The following GANC variants were observed in gnomAD, a reference collection of about 807,000 sequenced individuals.
The protein encoded by GANC is glucosidase alpha, neutral C.
GANC carries 117 observed loss-of-function variants against 124.2 expected under a neutral mutation model. That is an observed-to-expected ratio of 0.94 (90% CI 0.81 to 1.10). The LOEUF is 1.10. Among genes scored for constraint, GANC ranks in the 50% least tolerant of loss-of-function variants. The probability of loss-of-function intolerance (pLI) is 0.00; values close to 1 mark genes in which losing one functional copy is unlikely to be tolerated. For missense variants in GANC, 1,140 were observed against 1,095.0 expected, an observed-to-expected ratio of 1.04 and a Z score of -0.58; for synonymous variants, 377 against 376.8, an observed-to-expected ratio of 1.00 and a Z score of -0.01.
chr15:42,332,830 A>G (rs1014078141), intron 15 of GANC, among the ~76,000 whole-genome samples: 6 of 146,522 alleles, frequency 4.1e-5, no homozygotes, highest in African/African-American at 1.5e-4. Flanking sequence ...CCTGATCAAC[A>G]TGGTGAAACC....
intron 18 of GANC, among the ~76,000 whole-genome samples, chr15:42,341,295 C>A (rs16973103): frequency 0.011 from 1,634 of 151,948 alleles, 26 homozygotes; most frequent in African/African-American, 0.037. Context: ...TTGTGGATGT[C>A]GTTTAGGATT....
At chr15:42,304,135 C>A (rs181764962) in intron 6 of GANC, among the ~76,000 whole-genome samples, 1 of 152,200 alleles carries the variant, frequency 6.6e-6, no homozygotes, top group East Asian at 1.9e-4. Context: ...TGGAAAATAA[C>A]GGAAATCATA....
At chr15:42,306,065 C>T (rs1003754873) in intron 6 of GANC, among the ~76,000 whole-genome samples, 4 of 148,306 alleles carry the variant, frequency 2.7e-5, no homozygotes, top group South Asian at 2.1e-4. Context: ...CTCGCTGTGT[C>T]GCCCAGGCTG....
chr15:42,332,323 A>G (rs1308125569), intron 15 of GANC, among the ~76,000 whole-genome samples: 1 of 152,154 alleles, frequency 6.6e-6, no homozygotes, highest in African/African-American at 2.4e-5. Context: ...TATCATTTTT[A>G]ATCACAAAAA....
chr15:42,274,468 G>A lies in GANC; in HGVS notation c.-14G>A, dbSNP rs1277403261. Reference sequence around the variant, plus strand: ...TCCTGAGAGCTGGGAGCTGGTCGGAGTGACAGAGAAGCCATGGAAGCAGCA... The same window carrying A: ...TCCTGAGAGCTGGGAGCTGGTCGGAATGACAGAGAAGCCATGGAAGCAGCA... On this transcript the variant is annotated 5_prime_UTR_variant, in exon 1 of 24. The change creates a new upstream start codon in the 5' untranslated region. Transcript: ENST00000318010. 6.2e-7 allele frequency: 1 copy of A among 1,610,256 alleles called. No individual in the cohort carries two copies. The highest frequency in any genetic ancestry group is 8.5e-7 in the Non-Finnish European group (1 of 1,178,448).
chr15:42,345,650 A>G, intron 19 of GANC, 108 bp from the exon 20 acceptor site: 1 of 638,794 alleles, frequency 1.6e-6, no homozygotes, highest in South Asian at 2.2e-5. Flanking sequence ...TATTTATTTT[A>G]GCTTTCTGGT....
chr15:42,280,108 T>C (rs946948355), intron 3 of GANC, among the ~76,000 whole-genome samples: 7 of 152,194 alleles, frequency 4.6e-5, no homozygotes, highest in African/African-American at 1.7e-4. Flanking sequence ...CCCCATCCCC[T>C]GTCCTCAACT....
At chr15:42,276,249 G>A in intron 1 of GANC, 99 bp from the exon 2 acceptor site, 1 of 652,740 alleles carries the variant, frequency 1.5e-6, no homozygotes, top group Non-Finnish European at 2.8e-6. Context: ...AGACTCCAAA[G>A]GTTTATTTTG....
At chr15:42,314,707 C>T (rs3736095) in intron 10 of GANC, 138,689 of 152,408 alleles carry the variant, frequency 0.91, 64,455 homozygotes, top group Non-Finnish European at 1. Flanking sequence ...CATGATATAG[C>T]ATTTTAAAAA....
intron 3 of GANC, among the ~76,000 whole-genome samples, chr15:42,285,814 A>G (rs1268684425): frequency 2.0e-5 from 3 of 152,172 alleles, no homozygotes; most frequent in Non-Finnish European, 4.4e-5. Flanking sequence ...AAATTTAAAG[A>G]AAGAATGACT....
In GANC at chr15:42,332,176, A is replaced by G. The variant is rs543472314; in HGVS notation, c.1741+1504A>G. Among the ~76,000 whole-genome samples the G allele has an allele frequency of 2.7e-3, 412 of 152,308 alleles. 1 individual carries two copies. Among genetic ancestry groups the G allele is most frequent in the African/African-American group, 9.5e-3 (397 of 41,588 alleles). The stretch of plus-strand genomic sequence containing the variant: ...ATTATCTCAATTTTATAAAAGATTA[A>G]TGGAAGATAGTAATTTAAATAAATA... On this transcript the variant is annotated intron_variant, in intron 15 of 23. Transcript: ENST00000318010.
rs939559927 is a variant in GANC, at chr15:42,273,514, T to C, written c.-968T>C. ...CCGGGTCCTGGAAACGTCGCGGAGCTTGTTTGCTGTGCGGCGTAGCGGCCC... is the reference window on the plus strand; with the variant it reads ...CCGGGTCCTGGAAACGTCGCGGAGCCTGTTTGCTGTGCGGCGTAGCGGCCC... On this transcript the variant is annotated 5_prime_UTR_variant, in exon 1 of 24. Transcript: ENST00000318010. 6.7e-6 allele frequency: 10 copies of C among 1,497,828 alleles called. No homozygotes were observed. The African/African-American group carries it at 1.2e-4, about 19-fold the overall frequency. The allele number at this position is 1,497,828 out of a possible 1,614,324, so 92.8% of individuals were successfully genotyped here. A position where few individuals can be genotyped will look rare whatever the true frequency, so the allele number is the denominator to read the frequency against.
chr15:42,309,504 G>A (rs2141044118), intron 8 of GANC, among the ~76,000 whole-genome samples: 1 of 151,864 alleles, frequency 6.6e-6, no homozygotes, highest in East Asian at 2.0e-4. Flanking sequence ...ATTTTTAATA[G>A]CGTCAGGCTT....
intron 10 of GANC, 150 bp downstream of exon 10, chr15:42,310,996 C>A: frequency 1.2e-6 from 1 of 829,144 alleles, no homozygotes; most frequent in Non-Finnish European, 1.9e-6. Context: ...TTCCCATCCT[C>A]ATCCCATTCA....
chr15:42,273,697 A>G lies in GANC; in HGVS notation c.-785A>G, dbSNP rs1160477603. The G allele has an allele frequency of 5.1e-6, 2 of 391,506 alleles. No homozygotes were observed. The highest frequency in any genetic ancestry group is 2.0e-5 in the African/African-American group (1 of 49,926). The allele number at this position is 391,506 out of a possible 1,614,324, so 24.3% of individuals were successfully genotyped here. ...GCCGTTAAAGGTTTTAGGACCAGGCAGGCACCCCGTGCAGGATTTGGCTCT... is the reference window on the plus strand; with the variant it reads ...GCCGTTAAAGGTTTTAGGACCAGGCGGGCACCCCGTGCAGGATTTGGCTCT... On this transcript the variant is annotated 5_prime_UTR_variant, in exon 1 of 24. Coordinates refer to ENST00000318010, the MANE Select transcript of GANC (RefSeq NM_198141.3).
Position 42,339,951 on chromosome 15 carries a change from A to G in GANC, c.2087+39A>G, listed in dbSNP as rs749971012. ...ATCCATTCAGGGACCCCAGCAACCA[A>G]TCTGTAATAGAAGATCTCAGTGATT... On this transcript the variant is annotated intron_variant, in intron 17 of 23. Coordinates refer to ENST00000318010, the MANE Select transcript of GANC (RefSeq NM_198141.3). The G allele has an allele frequency of 9.4e-6, 15 of 1,593,436 alleles. No individual in the cohort carries two copies. In the East Asian group the frequency reaches 2.7e-4, roughly 29 times the overall value.
At chr15:42,276,552 A>G in intron 2 of GANC, 142 bp downstream of exon 2, 1 of 521,070 alleles carries the variant, frequency 1.9e-6, no homozygotes, top group Non-Finnish European at 3.5e-6. Flanking sequence ...CAGGAGACTC[A>G]CTTTTAACTT....
At chr15:42,334,814 AAG>A (rs1375442406) in intron 15 of GANC, among the ~76,000 whole-genome samples, 2 of 152,136 alleles carry the variant, frequency 1.3e-5, no homozygotes, top group African/African-American at 4.8e-5. Context: ...TAAAGAAGAA[AAG>A]AGAGAAAATC....
chr15:42,327,561 TA>T, intron 13 of GANC, 119 bp downstream of exon 13: 1 of 849,334 alleles, frequency 1.2e-6, no homozygotes, highest in Admixed American at 2.3e-5. Flanking sequence ...ATGCTTTTAT[TA>T]AAAGGCAAGT....
Sources: allele counts gnomAD v4.1 joint callset (sites outside exome capture counted in the v4.1 genomes callset), GRCh38; gene constraint gnomAD v4.1.1; transcripts MANE v1.5; gene names NCBI Gene and HGNC (gene_info 2026-07-23, HGNC 2026-07-21).